The following KRABD5 variants were observed in gnomAD, a reference collection of about 807,000 sequenced individuals.
The protein encoded by KRABD5 is KRAB domain containing 5.
chr16:31,749,801 T>C, the KRABD5 span, among the ~76,000 whole-genome samples: 1 of 152,198 alleles, frequency 6.6e-6, no homozygotes, highest in Non-Finnish European at 1.5e-5. Context: ...CTGGATACCT[T>C]GGTTGCTGGT....
chr16:31,754,836 A>C, the KRABD5 span: 1 of 468,926 alleles, frequency 2.1e-6, no homozygotes, highest in East Asian at 6.8e-5. Context: ...CATCGTTCAC[A>C]CCTTACTCAA....
At chr16:31,720,747 CT>C in the KRABD5 span, among the ~76,000 whole-genome samples, 1 of 152,146 alleles carries the variant, frequency 6.6e-6, no homozygotes, top group Admixed American at 6.5e-5. Flanking sequence ...TTATTTTTCT[CT>C]TTGTTGTTAA....
the KRABD5 span, among the ~76,000 whole-genome samples, chr16:31,752,698 T>C: frequency 1.8e-4 from 28 of 152,226 alleles, no homozygotes; most frequent in Admixed American, 5.9e-4. Context: ...AGACCCTGGT[T>C]GTACAAAGAA....
At chr16:31,734,428 T>A in the KRABD5 span, among the ~76,000 whole-genome samples, 1 of 152,126 alleles carries the variant, frequency 6.6e-6, no homozygotes, top group South Asian at 2.1e-4. Flanking sequence ...TTTTAAAAAA[T>A]TTTTGCAGAG....
At chr16:31,733,520 T>G in the KRABD5 span, 1 of 456,240 alleles carries the variant, frequency 2.2e-6, no homozygotes, top group Admixed American at 2.3e-5. Context: ...GAAGTCAAAG[T>G]GAATACCCAT....
the KRABD5 span, chr16:31,722,752 G>C: frequency 6.3e-6 from 10 of 1,585,224 alleles, no homozygotes; most frequent in African/African-American, 1.4e-5. Flanking sequence ...GGTCTCTCTG[G>C]GTGAGGATAA....
At chr16:31,714,652 G>A in the KRABD5 span, among the ~76,000 whole-genome samples, 2 of 152,228 alleles carry the variant, frequency 1.3e-5, no homozygotes, top group African/African-American at 4.8e-5. Context: ...ATTTGAGCCT[G>A]CAAAAGGAGG....
the KRABD5 span, among the ~76,000 whole-genome samples, chr16:31,748,262 T>G: frequency 1.4e-4 from 21 of 152,196 alleles, no homozygotes; most frequent in Non-Finnish European, 7.3e-5. Context: ...TTTCCCCATT[T>G]CTAGTTTTTG....
the KRABD5 span, among the ~76,000 whole-genome samples, chr16:31,730,558 G>T: frequency 6.6e-6 from 1 of 151,830 alleles, no homozygotes; most frequent in Non-Finnish European, 1.5e-5. Context: ...TCTTGCCATG[G>T]GTATTTTGAG....
At chr16:31,746,364 T>C in the KRABD5 span, among the ~76,000 whole-genome samples, 1 of 152,248 alleles carries the variant, frequency 6.6e-6, no homozygotes, top group Non-Finnish European at 1.5e-5. Context: ...TATTTCTCCT[T>C]CGCTTTTGTA....
the KRABD5 span, among the ~76,000 whole-genome samples, chr16:31,723,057 T>A: frequency 3.3e-5 from 5 of 152,224 alleles, no homozygotes; most frequent in African/African-American, 1.2e-4. Flanking sequence ...TATTTTTGAT[T>A]TAGTCATACT....
At chr16:31,749,467 G>C in the KRABD5 span, among the ~76,000 whole-genome samples, 3 of 152,252 alleles carry the variant, frequency 2.0e-5, no homozygotes, top group Admixed American at 1.3e-4. Context: ...AGATGCAGCT[G>C]TGGTGCTTGT....
chr16:31,747,044 G>A, the KRABD5 span, among the ~76,000 whole-genome samples: 1 of 151,366 alleles, frequency 6.6e-6, no homozygotes, highest in Non-Finnish European at 1.5e-5. Flanking sequence ...CAATGTGCAG[G>A]TTTGTTACAC....
chr16:31,722,668 G>T, the KRABD5 span: 1 of 1,613,402 alleles, frequency 6.2e-7, no homozygotes, highest in Non-Finnish European at 8.5e-7. Flanking sequence ...ATTCTCTCGG[G>T]AGGAGTGGGA....
chr16:31,752,393 A>G, the KRABD5 span, among the ~76,000 whole-genome samples: 1 of 151,758 alleles, frequency 6.6e-6, no homozygotes, highest in African/African-American at 2.4e-5. Context: ...CCTCACTGTT[A>G]TTATGTGACT....
At chr16:31,740,396 C>T in the KRABD5 span, among the ~76,000 whole-genome samples, 1 of 152,162 alleles carries the variant, frequency 6.6e-6, no homozygotes, top group Admixed American at 6.5e-5. Flanking sequence ...TATTTTTCAG[C>T]TCCATACTTT....
the KRABD5 span, chr16:31,756,350 T>G: frequency 1.3e-5 from 2 of 152,136 alleles, no homozygotes; most frequent in African/African-American, 4.8e-5. Flanking sequence ...TATTCTGAAT[T>G]TATTTATTAC....
At chr16:31,721,366 C>G in the KRABD5 span, among the ~76,000 whole-genome samples, 2 of 151,988 alleles carry the variant, frequency 1.3e-5, no homozygotes, top group Non-Finnish European at 2.9e-5. Context: ...AGTTGTGACA[C>G]CTGCTCTGAA....
At chr16:31,729,921 C>A in the KRABD5 span, among the ~76,000 whole-genome samples, 1 of 152,014 alleles carries the variant, frequency 6.6e-6, no homozygotes, top group Admixed American at 6.6e-5. Flanking sequence ...TTTTCCTCCC[C>A]TTCACACATT....
Sources: gnomAD v4.1 joint callset for allele counts (sites outside exome capture counted in the v4.1 genomes callset) on GRCh38, gnomAD v4.1.1 for gene constraint, MANE v1.5 for transcripts, NCBI Gene and HGNC (gene_info 2026-07-23, HGNC 2026-07-21) for gene names.